NBAS: variants seen among roughly 807,000 people sequenced by gnomAD.
The protein encoded by NBAS is NBAS subunit of NRZ tethering complex, also known as NAG/BC035112 fusion.
NBAS carries 219 observed loss-of-function variants against 302.5 expected under a neutral mutation model. That is an observed-to-expected ratio of 0.72 (90% confidence interval 0.65 to 0.81). The LOEUF is 0.81. NBAS is among the 30% of genes least tolerant of loss of function. The pLI, the probability that NBAS is intolerant of heterozygous loss-of-function variation, is 0.00. For synonymous variants in NBAS, 1,118 were observed against 1,021.6 expected (o/e 1.09, Z -1.80); for missense variants, 2,932 against 2,841.6 (o/e 1.03, Z -0.72).
chr2:15,118,386 G>A, the NBAS span, among the ~76,000 whole-genome samples: 2 of 152,228 alleles, frequency 1.3e-5, no homozygotes, highest in Non-Finnish European at 2.9e-5. Flanking sequence ...AAGAATAAGG[G>A]AAGGTGGTGG....
chr2:14,933,887 T>A, the NBAS span, among the ~76,000 whole-genome samples: 2 of 152,224 alleles, frequency 1.3e-5, no homozygotes, highest in African/African-American at 4.8e-5. Flanking sequence ...AAAGGCTCAT[T>A]GGTGTAATAT....
chr2:14,875,357 A>G, the NBAS span, among the ~76,000 whole-genome samples: 1 of 152,166 alleles, frequency 6.6e-6, no homozygotes, highest in African/African-American at 2.4e-5. Context: ...TGGTGGCTCA[A>G]GCCTGTAATC....
intron 51 of NBAS, chr2:15,178,077 T>A (rs1664634758): frequency 2.2e-6 from 1 of 457,206 alleles, no homozygotes; most frequent in South Asian, 1.6e-5. Context: ...TGTCTTTTCA[T>A]CAACCTCTTC....
chr2:15,084,786 G>A, the NBAS span, among the ~76,000 whole-genome samples: 1 of 152,180 alleles, frequency 6.6e-6, no homozygotes, highest in African/African-American at 2.4e-5. Context: ...CACTCAGGGT[G>A]TAGACCAAAC....
At chr2:14,900,506 GT>G in the NBAS span, among the ~76,000 whole-genome samples, 1 of 152,052 alleles carries the variant, frequency 6.6e-6, no homozygotes, top group Admixed American at 6.5e-5. Context: ...ATCCTTTATG[GT>G]TTGGTTATGG....
intron 48 of NBAS, among the ~76,000 whole-genome samples, chr2:15,204,414 T>G (rs573006761): frequency 1.3e-5 from 2 of 152,256 alleles, no homozygotes; most frequent in African/African-American, 4.8e-5. Flanking sequence ...ATATTATGGA[T>G]AATGAACCTA....
At chr2:15,440,666 TTTGATGAG>T (rs2148512755) in intron 21 of NBAS, among the ~76,000 whole-genome samples, 1 of 152,294 alleles carries the variant, frequency 6.6e-6, no homozygotes, top group South Asian at 2.1e-4. Context: ...GGAGAATGAC[TTTGATGAG>T]TTGAGAGAAG....
chr2:14,822,862 G>A, the NBAS span, among the ~76,000 whole-genome samples: 1 of 152,140 alleles, frequency 6.6e-6, no homozygotes, highest in East Asian at 1.9e-4. Context: ...GAAAATCTGT[G>A]CACCAGACAA....
chr2:15,392,684 G>A (rs1360119987), intron 28 of NBAS, among the ~76,000 whole-genome samples: 1 of 151,854 alleles, frequency 6.6e-6, no homozygotes, highest in Non-Finnish European at 1.5e-5. Flanking sequence ...TATTGATTTA[G>A]GATAGCAACA....
chr2:15,177,791 G>A (rs1215241487), intron 51 of NBAS, among the ~76,000 whole-genome samples: 1 of 152,136 alleles, frequency 6.6e-6, no homozygotes, highest in Non-Finnish European at 1.5e-5. Context: ...ATAGGTGGGA[G>A]GGCTACGGAA....
intron 21 of NBAS, among the ~76,000 whole-genome samples, chr2:15,448,425 C>A (rs1678852726): frequency 1.3e-5 from 2 of 152,148 alleles, no homozygotes; most frequent in Admixed American, 6.5e-5. Context: ...TCTACAATCT[C>A]CCATTTCACA....
chr2:14,840,065 T>C, the NBAS span, among the ~76,000 whole-genome samples: 4 of 151,994 alleles, frequency 2.6e-5, no homozygotes, highest in Non-Finnish European at 5.9e-5. Context: ...ATTTATTATA[T>C]AAATTTAACA....
chr2:15,196,596 A>C (rs1381752414), intron 48 of NBAS, among the ~76,000 whole-genome samples: 2 of 152,228 alleles, frequency 1.3e-5, no homozygotes, highest in Non-Finnish European at 2.9e-5. Flanking sequence ...AAACAAACTA[A>C]ATCATGATGT....
chr2:15,061,002 A>T, the NBAS span, among the ~76,000 whole-genome samples: 1 of 152,118 alleles, frequency 6.6e-6, no homozygotes, highest in African/African-American at 2.4e-5. Flanking sequence ...TGTAAAAAAA[A>T]TTACAATGTT....
chr2:15,097,250 TGG>T, the NBAS span, among the ~76,000 whole-genome samples: 1 of 152,030 alleles, frequency 6.6e-6, no homozygotes. Flanking sequence ...GAACAGCTGC[TGG>T]GGTGGGGGAC....
At chr2:14,787,030 G>A in the NBAS span, among the ~76,000 whole-genome samples, 1 of 152,232 alleles carries the variant, frequency 6.6e-6, no homozygotes, top group East Asian at 1.9e-4. Flanking sequence ...TATATATTTA[G>A]GATAGTTAGC....
At chr2:15,214,094 G>A (rs1666545005) in intron 48 of NBAS, among the ~76,000 whole-genome samples, 1 of 152,222 alleles carries the variant, frequency 6.6e-6, no homozygotes, top group South Asian at 2.1e-4. Flanking sequence ...TCAGGGGGAA[G>A]TGGCATGGTC....
chr2:15,168,376 CTG>C (rs1471810823), intron 51 of NBAS, among the ~76,000 whole-genome samples: 11 of 152,202 alleles, frequency 7.2e-5, no homozygotes, highest in Admixed American at 3.3e-4. Context: ...TGTCTACTGA[CTG>C]TGAGAATTAA....
At chr2:14,791,719 G>A in the NBAS span, among the ~76,000 whole-genome samples, 3 of 151,938 alleles carry the variant, frequency 2.0e-5, no homozygotes, top group South Asian at 4.2e-4. Flanking sequence ...CAGAAGAATC[G>A]CTTGAATCCA....
Sources: allele counts gnomAD v4.1 joint callset (sites outside exome capture counted in the v4.1 genomes callset), GRCh38; gene constraint gnomAD v4.1.1; transcripts MANE v1.5; gene names NCBI Gene and HGNC (gene_info 2026-07-23, HGNC 2026-07-21).